Variants in GSE1 observed in about 807,000 individuals in gnomAD.
GSE1 encodes Gse1 coiled-coil protein.
GSE1 carries 32 observed loss-of-function variants against 112.6 expected under a neutral mutation model. That is an observed-to-expected ratio of 0.28 (90% CI 0.21 to 0.38). The LOEUF (loss-of-function observed/expected upper bound fraction) is 0.38. Among genes scored for constraint, GSE1 ranks in the 10% least tolerant of loss-of-function variants. GSE1 has a pLI of 1.00. For synonymous variants in GSE1, 1,115 were observed against 735.6 expected (o/e 1.52, Z -8.35); for missense variants, 2,348 against 1,699.2 (o/e 1.38, Z -6.71).
At chr16:85,468,312 C>CTTTTTTTT (rs55873035) in intron 2 of GSE1, among the ~76,000 whole-genome samples, 3 of 116,730 alleles carry the variant, frequency 2.6e-5, no homozygotes, top group Non-Finnish European at 3.4e-5. Context: ...CCCTTCTTTC[C>CTTTTTTTT]TTTTTTTTTT....
chr16:85,605,858 C>A (rs1005677431), intron 1 of GSE1, among the ~76,000 whole-genome samples: 2 of 151,812 alleles, frequency 1.3e-5, no homozygotes, highest in Non-Finnish European at 2.9e-5. Context: ...AGGCTGGGCT[C>A]ATGGGCGGCC....
intron 2 of GSE1, among the ~76,000 whole-genome samples, chr16:85,453,885 A>G (rs2049752989): frequency 6.6e-6 from 1 of 152,180 alleles, no homozygotes; most frequent in Non-Finnish European, 1.5e-5. Flanking sequence ...CAGAGAGCAG[A>G]GCAAGGGCTG....
chr16:85,336,261 A>T (rs570023327), intron 1 of GSE1, among the ~76,000 whole-genome samples: 1 of 152,192 alleles, frequency 6.6e-6, no homozygotes, highest in African/African-American at 2.4e-5. Context: ...TGGCTGATGG[A>T]TTTTTGAGCC....
chr16:85,248,517 T>C (rs1906113382), intron 1 of GSE1, among the ~76,000 whole-genome samples: 1 of 151,702 alleles, frequency 6.6e-6, no homozygotes, highest in Non-Finnish European at 1.5e-5. Flanking sequence ...TTCCTCCCTC[T>C]TTGCCTCTCT....
At chr16:85,635,616 T>C (rs2049931226) in intron 2 of GSE1, among the ~76,000 whole-genome samples, 1 of 152,168 alleles carries the variant, frequency 6.6e-6, no homozygotes, top group African/African-American at 2.4e-5. Flanking sequence ...AGGTCAGAGC[T>C]GGCCCAGCTC....
At position 85,675,125 on chromosome 16, in the gene GSE1, C is replaced by T. The variant is rs2053613108; in HGVS notation, c.*2586C>T. 1 of 151,884 alleles carries T rather than the reference C, an allele frequency of 6.6e-6. No individual in the cohort carries two copies. Among genetic ancestry groups the T allele is most frequent in the Admixed American group, 6.6e-5 (1 of 15,218 alleles). 9.4% of individuals were successfully genotyped at this position (151,884 alleles called of 1,614,324 possible). A position where few individuals can be genotyped will look rare whatever the true frequency, so the allele number is the denominator to read the frequency against. On this transcript the variant is annotated 3_prime_UTR_variant, in exon 16 of 16. Transcript: ENST00000253458. ...ACACAGTAGCACCTAAATCTGTTTT[C>T]AATTGGGCTTAAAAATTGACATGCA...
At chr16:85,362,492 C>G (rs16975560) in intron 2 of GSE1, among the ~76,000 whole-genome samples, 3,227 of 152,316 alleles carry the variant, frequency 0.021, 110 homozygotes, top group African/African-American at 0.067. Context: ...TTACTACTTC[C>G]CGGCCATGGA....
chr16:85,442,984 C>T (rs1597772335), intron 2 of GSE1, among the ~76,000 whole-genome samples: 1 of 152,182 alleles, frequency 6.6e-6, no homozygotes, highest in Non-Finnish European at 1.5e-5. Flanking sequence ...TGGCTCCGTC[C>T]GCCCATGGCG....
At chr16:85,524,577 C>T (rs374882447) in intron 2 of GSE1, among the ~76,000 whole-genome samples, 27 of 152,022 alleles carry the variant, frequency 1.8e-4, no homozygotes, top group South Asian at 4.2e-4. Context: ...CAGGGGGAGC[C>T]GAGGGGTGCT....
chr16:85,617,496 AC>A (rs1208494188), intron 1 of GSE1, among the ~76,000 whole-genome samples: 1 of 150,238 alleles, frequency 6.7e-6, no homozygotes, highest in African/African-American at 2.5e-5. Context: ...CTTTTGAATC[AC>A]CTGGGGAGCT....
chr16:85,207,420 C>T (rs763867246), intron 1 of GSE1, among the ~76,000 whole-genome samples: 2 of 152,226 alleles, frequency 1.3e-5, no homozygotes, highest in East Asian at 1.9e-4. Context: ...GGACCTGGTC[C>T]GTGCCGGCCC....
At chr16:85,613,470 C>A in intron 1 of GSE1, 72 bp downstream of exon 1, 1 of 1,329,354 alleles carries the variant, frequency 7.5e-7, no homozygotes, top group Non-Finnish European at 1.0e-6. Context: ...CCTGCAAGTT[C>A]GCGGGTTTCG....
intron 2 of GSE1, among the ~76,000 whole-genome samples, chr16:85,634,445 G>A (rs2049817381): frequency 6.6e-6 from 1 of 152,202 alleles, no homozygotes; most frequent in African/African-American, 2.4e-5. Flanking sequence ...GAGGGTGGGT[G>A]CCCTGGACCA....
chr16:85,520,125 A>T (rs1040944629), intron 2 of GSE1, among the ~76,000 whole-genome samples: 1 of 152,234 alleles, frequency 6.6e-6, no homozygotes, highest in Non-Finnish European at 1.5e-5. Flanking sequence ...TGAAAGTCCA[A>T]GATCAAGGTG....
intron 2 of GSE1, among the ~76,000 whole-genome samples, chr16:85,382,971 A>G (rs2047589287): frequency 6.8e-6 from 1 of 147,058 alleles, no homozygotes; most frequent in South Asian, 2.1e-4. Context: ...ACACACATGC[A>G]CGCTCACACG....
intron 2 of GSE1, among the ~76,000 whole-genome samples, chr16:85,428,920 C>A (rs772543564): frequency 6.6e-6 from 1 of 152,176 alleles, no homozygotes; most frequent in Non-Finnish European, 1.5e-5. Context: ...CTGTGGCCAC[C>A]GTCCTGGGCA....
intron 2 of GSE1, among the ~76,000 whole-genome samples, chr16:85,506,193 C>T (rs2051529736): frequency 6.6e-6 from 1 of 152,182 alleles, no homozygotes; most frequent in Non-Finnish European, 1.5e-5. Context: ...GAGCAATGTC[C>T]TGTGTGTGGT....
At chr16:85,502,513 C>T (rs1436043489) in intron 2 of GSE1, among the ~76,000 whole-genome samples, 1 of 152,198 alleles carries the variant, frequency 6.6e-6, no homozygotes, top group Admixed American at 6.5e-5. Context: ...ATTCTGAGGG[C>T]AACCGGGCTT....
chr16:85,328,812 TCCCC>T (rs2046279525), intron 1 of GSE1, among the ~76,000 whole-genome samples: 2 of 3,624 alleles, frequency 5.5e-4, no homozygotes, highest in South Asian at 0.028. Context: ...CCCCGGGGCC[TCCCC>T]GCCCCGGGGC....
Sources: allele counts gnomAD v4.1 joint callset (sites outside exome capture counted in the v4.1 genomes callset), GRCh38; gene constraint gnomAD v4.1.1; transcripts MANE v1.5; gene names NCBI Gene and HGNC (gene_info 2026-07-23, HGNC 2026-07-21).